FAM135A: variants seen among roughly 807,000 people sequenced by gnomAD.
FAM135A encodes protein FAM135A.
In FAM135A, 79 loss-of-function variants were observed where a neutral mutation model predicts 146.8. The observed-to-expected ratio is 0.54, with a 90% CI of 0.45 to 0.65. FAM135A has a LOEUF of 0.65. FAM135A is among the 30% of genes least tolerant of loss of function. The pLI, the probability that FAM135A is intolerant of heterozygous loss-of-function variation, is 0.00. For synonymous variants in FAM135A, 562 were observed against 603.6 expected (o/e 0.93, Z 1.01); for missense variants, 1,623 against 1,758.2 (o/e 0.92, Z 1.38).
chr6:70,489,692 G>A (rs947403666), intron 10 of FAM135A, among the ~76,000 whole-genome samples: 4 of 152,116 alleles, frequency 2.6e-5, no homozygotes, highest in Admixed American at 6.5e-5. Context: ...GGCATGAGGA[G>A]GTGTCACTTG....
At chr6:70,485,525 A>ACT (rs772642422) in intron 10 of FAM135A, among the ~76,000 whole-genome samples, 15 of 152,188 alleles carry the variant, frequency 9.9e-5, no homozygotes, top group Admixed American at 2.0e-4. Flanking sequence ...ACCAAACACC[A>ACT]CTATATTCAC....
intron 2 of FAM135A, 54 bp from the exon 3 acceptor site, chr6:70,426,383 GAC>G (rs751554201): frequency 1.3e-5 from 2 of 152,100 alleles, no homozygotes; most frequent in Non-Finnish European, 2.9e-5. Flanking sequence ...GTTTCCTTAA[GAC>G]AGACTTTTTT....
At chr6:70,422,667 A>G (rs1367381101) in intron 2 of FAM135A, among the ~76,000 whole-genome samples, 1 of 152,252 alleles carries the variant, frequency 6.6e-6, no homozygotes, top group Non-Finnish European at 1.5e-5. Context: ...AAATTTGTTC[A>G]TGCATATTTC....
chr6:70,555,896 T>G (rs888865436), intron 20 of FAM135A, among the ~76,000 whole-genome samples: 3 of 152,138 alleles, frequency 2.0e-5, no homozygotes, highest in Admixed American at 2.0e-4. Context: ...ATGGCCTTAT[T>G]TTTGGCATAG....
rs760200821 is a variant in FAM135A, at chr6:70,525,744, A to G, written c.2660A>G (p.Lys887Arg). 39 of 1,613,400 alleles carry G rather than the reference A, an allele frequency of 2.4e-5. No individual in the cohort carries two copies. In the East Asian group the frequency reaches 8.5e-4, roughly 35 times the overall value. The change falls in exon 15 of 22, where the codon AAG becomes AGG. Residue 887 changes from lysine (K) to arginine (R), a missense_variant. By Grantham distance (26) the Lys-to-Arg change is conservative. This residue lies in a region of FAM135A where 1,061 missense variants were observed against 1,113.8 expected (regional missense o/e 0.95). Coordinates refer to ENST00000418814, the MANE Select transcript of FAM135A (RefSeq NM_001162529.3). ...TDLPKCDDTK[K>R]SSITLQQQSV... ...TTGCCAAAATGTGATGATACTAAAA[A>G]GTCAAGTATCACTTTGCAACAGCAG... is the stretch of plus-strand genomic sequence containing the variant.
At chr6:70,500,864 A>G (rs916544213) in intron 11 of FAM135A, among the ~76,000 whole-genome samples, 1 of 152,146 alleles carries the variant, frequency 6.6e-6, no homozygotes, top group Non-Finnish European at 1.5e-5. Flanking sequence ...GCTTCATCCC[A>G]GAGGGGCACC....
chr6:70,492,842 A>T (rs1786327816), intron 11 of FAM135A, among the ~76,000 whole-genome samples: 1 of 152,022 alleles, frequency 6.6e-6, no homozygotes, highest in South Asian at 2.1e-4. Flanking sequence ...ATTTTTTGTA[A>T]GAGTGTAGTG....
At chr6:70,440,068 T>A (rs549089062) in intron 4 of FAM135A, among the ~76,000 whole-genome samples, 13 of 152,256 alleles carry the variant, frequency 8.5e-5, no homozygotes, top group Non-Finnish European at 1.5e-4. Flanking sequence ...AATTATTTGT[T>A]TGAATCAATA....
At chr6:70,543,489 G>C (rs1051733814) in intron 20 of FAM135A, among the ~76,000 whole-genome samples, 1 of 152,178 alleles carries the variant, frequency 6.6e-6, no homozygotes, top group African/African-American at 2.4e-5. Context: ...TTCTCTTATA[G>C]ATTGGGTTTT....
intron 4 of FAM135A, among the ~76,000 whole-genome samples, chr6:70,448,995 A>T (rs1241292059): frequency 6.6e-6 from 1 of 152,176 alleles, no homozygotes; most frequent in Admixed American, 6.5e-5. Context: ...AGATTTTGTT[A>T]ATGGCCAGTT....
At chr6:70,424,644 G>A (rs58377462) in intron 2 of FAM135A, among the ~76,000 whole-genome samples, 7,038 of 152,226 alleles carry the variant, frequency 0.046, 360 homozygotes, top group African/African-American at 0.11. Context: ...ACCTGACATG[G>A]GGTATTGGCT....
At chr6:70,472,293 T>G (rs1326194184) in intron 5 of FAM135A, among the ~76,000 whole-genome samples, 10 of 152,212 alleles carry the variant, frequency 6.6e-5, no homozygotes, top group Admixed American at 5.2e-4. Context: ...GAGAATTTCT[T>G]TCCCTTCTCA....
chr6:70,526,363 A>G lies in FAM135A; in HGVS notation c.3279A>G (p.Gln1093=). 1 of 1,613,578 alleles carries G rather than the reference A, an allele frequency of 6.2e-7. No individual in the cohort carries two copies. The highest frequency in any genetic ancestry group is 8.5e-7 in the Non-Finnish European group (1 of 1,179,684). Reference sequence around the variant, plus strand: ...ATGAGGAGGAAGAGCAGGATCAACAAATGGTTCAAAATGGGTACTATGAAG... The same window carrying G: ...ATGAGGAGGAAGAGCAGGATCAACAGATGGTTCAAAATGGGTACTATGAAG... ...KEDEEEEQDQ[Q]MVQNGYYEET... The change falls in exon 15 of 22, where the codon CAA becomes CAG. Residue 1093 remains glutamine (Q), a synonymous_variant. Coordinates refer to ENST00000418814, the MANE Select transcript of FAM135A (RefSeq NM_001162529.3).
chr6:70,447,011 T>G (rs1354280611), intron 4 of FAM135A, among the ~76,000 whole-genome samples: 1 of 152,234 alleles, frequency 6.6e-6, no homozygotes, highest in Non-Finnish European at 1.5e-5. Context: ...CATCGGGCCC[T>G]TCACAATGCA....
chr6:70,481,396 C>T (rs1042303067), intron 9 of FAM135A, among the ~76,000 whole-genome samples: 2 of 152,134 alleles, frequency 1.3e-5, no homozygotes, highest in African/African-American at 2.4e-5. Context: ...CGCCTGTAAT[C>T]CCAACACTTT....
chr6:70,558,680 G>T (rs1801371200), intron 21 of FAM135A, among the ~76,000 whole-genome samples: 1 of 152,064 alleles, frequency 6.6e-6, no homozygotes, highest in East Asian at 1.9e-4. Flanking sequence ...AATTAAAATG[G>T]TGGTGCACGC....
At chr6:70,499,814 T>C (rs1395340232) in intron 11 of FAM135A, among the ~76,000 whole-genome samples, 1 of 152,222 alleles carries the variant, frequency 6.6e-6, no homozygotes, top group Non-Finnish European at 1.5e-5. Context: ...CCCACTCTCT[T>C]CTGGCTTGTA....
rs1773027581 is a variant in FAM135A at position 70,435,971 on chromosome 6, G to C, written c.77+7552G>C. ...GGCCGAAGCAGGCTGATCACCTGAG[G>C]TCAGGAGTTCGAGACCAACCTGGCC... On this transcript the variant is annotated intron_variant, in intron 4 of 21. Coordinates refer to ENST00000418814, the MANE Select transcript of FAM135A (RefSeq NM_001162529.3). 2.6e-5 allele frequency among the ~76,000 whole-genome samples: 4 copies of C among 152,248 alleles called. No homozygotes were observed. The South Asian group carries it at 6.2e-4, about 24-fold the overall frequency.
intron 21 of FAM135A, chr6:70,557,694 C>CAAAAAAA (rs1177559650): frequency 5.2e-5 from 3 of 58,136 alleles, no homozygotes; most frequent in Non-Finnish European, 6.3e-5. Flanking sequence ...AACTCTGTCT[C>CAAAAAAA]AAAAAAAAAA....
Sources: gnomAD v4.1 joint callset for allele counts (sites outside exome capture counted in the v4.1 genomes callset) on GRCh38, gnomAD v4.1.1 for gene constraint, gnomAD v4.1.1 regional missense constraint, MANE v1.5 for transcripts, NCBI Gene and HGNC (gene_info 2026-07-23, HGNC 2026-07-21) for gene names.